NEO1: variants seen among roughly 807,000 people sequenced by gnomAD.
The protein encoded by NEO1 is neogenin 1.
Under a neutral mutation model 159.7 loss-of-function variants are expected in NEO1, and 63 were observed. The observed-to-expected ratio is 0.39, with a 90% CI of 0.32 to 0.49. The LOEUF is 0.49. Ranked by LOEUF, NEO1 falls within the 20% of genes least tolerant of loss-of-function variation. The pLI is 0.85. For synonymous variants in NEO1, 633 were observed against 662.0 expected (o/e 0.96, Z 0.67); for missense variants, 1,615 against 1,831.0 (o/e 0.88, Z 2.15).
At chr15:73,075,662 C>T (rs1355988408) in intron 1 of NEO1, among the ~76,000 whole-genome samples, 1 of 151,898 alleles carries the variant, frequency 6.6e-6, no homozygotes, top group Non-Finnish European at 1.5e-5. Flanking sequence ...GAAGATTGAG[C>T]CTGTTGATGG....
At chr15:73,182,713 A>T (rs1477135408) in intron 7 of NEO1, among the ~76,000 whole-genome samples, 1 of 152,122 alleles carries the variant, frequency 6.6e-6, no homozygotes, top group Non-Finnish European at 1.5e-5. Context: ...TCACTACCAC[A>T]AGAACCGTAT....
intron 7 of NEO1, among the ~76,000 whole-genome samples, chr15:73,208,308 GATTT>G (rs372870079): frequency 2.0e-5 from 3 of 152,274 alleles, no homozygotes; most frequent in Non-Finnish European, 4.4e-5. Context: ...GAGTCCCTGA[GATTT>G]ATTAGCAAGA....
intron 7 of NEO1, among the ~76,000 whole-genome samples, chr15:73,235,135 G>A (rs2039103657): frequency 6.6e-6 from 1 of 152,054 alleles, no homozygotes; most frequent in Non-Finnish European, 1.5e-5. Flanking sequence ...ATTTCACGTG[G>A]CGTATTTATT....
chr15:73,065,143 A>G (rs2068151726), intron 1 of NEO1, among the ~76,000 whole-genome samples: 1 of 151,894 alleles, frequency 6.6e-6, no homozygotes, highest in Admixed American at 6.6e-5. Flanking sequence ...CTTTTGTTTT[A>G]ATGTTATTAT....
At chr15:73,191,127 A>G (rs894525227) in intron 7 of NEO1, among the ~76,000 whole-genome samples, 1 of 152,088 alleles carries the variant, frequency 6.6e-6, no homozygotes, top group Non-Finnish European at 1.5e-5. Flanking sequence ...AACTCGTATA[A>G]TGAAACAAAC....
At chr15:73,230,882 C>T (rs2038870700) in intron 7 of NEO1, among the ~76,000 whole-genome samples, 1 of 151,972 alleles carries the variant, frequency 6.6e-6, no homozygotes, top group Non-Finnish European at 1.5e-5. Context: ...CATAAGCCAC[C>T]ATGCCTGGCC....
intron 1 of NEO1, among the ~76,000 whole-genome samples, chr15:73,064,652 A>G (rs985886956): frequency 6.6e-6 from 1 of 151,890 alleles, no homozygotes; most frequent in Non-Finnish European, 1.5e-5. Flanking sequence ...TTTTTTTTAG[A>G]AACAAGATCT....
rs747987918 is a variant in NEO1 at position 73,052,745 on chromosome 15, C to T, written c.70C>T (p.Leu24Phe). 1.0e-5 allele frequency: 13 copies of T among 1,300,146 alleles called. No individual in the cohort carries two copies. The East Asian group carries it at 4.0e-4, about 40-fold the overall frequency. 80.5% of individuals were successfully genotyped at this position (1,300,146 alleles called of 1,614,324 possible). Reference protein sequence around the residue: ...PSFWLYCLLLLGRRAPGAAAA... With the variant: ...PSFWLYCLLLFGRRAPGAAAA... Reference sequence around the variant, plus strand: ...CTTCTGGCTCTACTGCCTGCTGCTGCTCGGGCGCCGGGCGCCGGGCGCCGC... The same window carrying T: ...CTTCTGGCTCTACTGCCTGCTGCTGTTCGGGCGCCGGGCGCCGGGCGCCGC... Residue 24 changes from leucine to phenylalanine, a missense_variant, in exon 1 of 29, where the codon CTC becomes TTC. Physicochemically the swap from Leu to Phe is conservative, Grantham distance 22. Coordinates refer to ENST00000261908, the MANE Select transcript of NEO1 (RefSeq NM_002499.4).
At chr15:73,285,150 T>C (rs513744) in intron 23 of NEO1, among the ~76,000 whole-genome samples, 122,880 of 152,078 alleles carry the variant, frequency 0.81, 52,393 homozygotes, top group Non-Finnish European at 0.94. Context: ...GACAGGATTT[T>C]GGTCTGTCAC....
chr15:73,270,162 CAGA>C lies in NEO1; in HGVS notation c.2651_2653del (p.Lys884del), dbSNP rs1567655459. On this transcript the variant is annotated inframe_deletion, in exon 17 of 29. Coordinates refer to ENST00000261908, the MANE Select transcript of NEO1 (RefSeq NM_002499.4). ...GGCAGACAACTCGCTGCCCAAGCACCAGAAGATTACAGACTCCCGATACTACAC... is the reference window on the plus strand; with the variant it reads ...GGCAGACAACTCGCTGCCCAAGCACCAGATTACAGACTCCCGATACTACAC... The C allele has an allele frequency of 3.7e-6, 6 of 1,613,852 alleles. No homozygotes were observed. Among genetic ancestry groups the C allele is most frequent in the Non-Finnish European group, 5.1e-6 (6 of 1,179,996 alleles).
At chr15:73,224,383 C>T (rs117935009) in intron 7 of NEO1, among the ~76,000 whole-genome samples, 1,681 of 152,270 alleles carry the variant, frequency 0.011, 21 homozygotes, top group East Asian at 0.049. Flanking sequence ...AAGTTTCCCT[C>T]GAACATTTTC....
chr15:73,231,749 A>G (rs2038923541), intron 7 of NEO1, among the ~76,000 whole-genome samples: 1 of 152,092 alleles, frequency 6.6e-6, no homozygotes, highest in Non-Finnish European at 1.5e-5. Flanking sequence ...GCCCCTCCGT[A>G]TTGCCTTCAT....
intron 11 of NEO1, among the ~76,000 whole-genome samples, chr15:73,251,418 T>G (rs906802333): frequency 6.8e-6 from 1 of 147,940 alleles, no homozygotes; most frequent in Non-Finnish European, 1.5e-5. Context: ...GAGGCTGAGG[T>G]GGGAGGGTCA....
chr15:73,285,920 T>C (rs2041927196), intron 23 of NEO1, among the ~76,000 whole-genome samples: 1 of 152,162 alleles, frequency 6.6e-6, no homozygotes, highest in Non-Finnish European at 1.5e-5. Flanking sequence ...CCCCTGAATC[T>C]CATTGTCTTC....
chr15:73,251,881 C>T (rs528319095), intron 11 of NEO1, among the ~76,000 whole-genome samples: 3 of 152,244 alleles, frequency 2.0e-5, no homozygotes, highest in South Asian at 2.1e-4. Context: ...ATAGAAACTC[C>T]GTCCTGAGAT....
chr15:73,088,730 A>G (rs1446274005), intron 1 of NEO1, among the ~76,000 whole-genome samples: 1 of 152,076 alleles, frequency 6.6e-6, no homozygotes, highest in Non-Finnish European at 1.5e-5. Flanking sequence ...GTCTCAACAC[A>G]AAATGAAGGC....
intron 15 of NEO1, among the ~76,000 whole-genome samples, chr15:73,263,131 T>C (rs1395320240): frequency 6.6e-6 from 1 of 152,012 alleles, no homozygotes; most frequent in African/African-American, 2.4e-5. Flanking sequence ...TTGTCAAAAC[T>C]GTAAATGTAC....
At chr15:73,083,612 CTAATA>C (rs1187276483) in intron 1 of NEO1, among the ~76,000 whole-genome samples, 2 of 152,004 alleles carry the variant, frequency 1.3e-5, no homozygotes, top group Non-Finnish European at 2.9e-5. Flanking sequence ...GGCTTCTACT[CTAATA>C]TGTTTTATAT....
At chr15:73,095,682 T>C (rs1421184832) in intron 1 of NEO1, among the ~76,000 whole-genome samples, 1 of 152,114 alleles carries the variant, frequency 6.6e-6, no homozygotes, top group Non-Finnish European at 1.5e-5. Context: ...TGTTTTTTTT[T>C]TTTTGAGATT....
Sources: allele counts gnomAD v4.1 joint callset (sites outside exome capture counted in the v4.1 genomes callset), GRCh38; gene constraint gnomAD v4.1.1; transcripts MANE v1.5; gene names NCBI Gene and HGNC (gene_info 2026-07-23, HGNC 2026-07-21).